The following GPR158 variants were observed in gnomAD, a reference collection of about 807,000 sequenced individuals.
GPR158 encodes the protein metabotropic glycine receptor.
A neutral mutation model predicts 78.2 loss-of-function variants in GPR158; 30 were observed. The ratio of observed to expected loss-of-function variants is 0.38; its 90% CI spans 0.29 to 0.52. The LOEUF is 0.52. Ranked by LOEUF, GPR158 falls within the 20% of genes least tolerant of loss-of-function variation. The probability of loss-of-function intolerance (pLI) is 0.83; values close to 1 mark genes in which losing one functional copy is unlikely to be tolerated. For synonymous variants in GPR158, 581 were observed against 591.1 expected (o/e 0.98, Z 0.25); for missense variants, 1,463 against 1,523.5 (o/e 0.96, Z 0.66).
intron 4 of GPR158, among the ~76,000 whole-genome samples, chr10:25,443,779 A>G (rs1396614921): frequency 6.6e-6 from 1 of 151,398 alleles, no homozygotes; most frequent in Non-Finnish European, 1.5e-5. Flanking sequence ...GGGACTGAAC[A>G]CCTGCTGGTG....
At chr10:25,535,043 A>G (rs1191717107) in intron 5 of GPR158, among the ~76,000 whole-genome samples, 1 of 152,132 alleles carries the variant, frequency 6.6e-6, no homozygotes, top group African/African-American at 2.4e-5. Context: ...AGTTTTTCAC[A>G]TTATTCTTTC....
intron 2 of GPR158, among the ~76,000 whole-genome samples, chr10:25,350,440 C>T (rs1855443146): frequency 6.6e-6 from 1 of 151,900 alleles, no homozygotes; most frequent in Non-Finnish European, 1.5e-5. Context: ...GAATTGCTAT[C>T]TTTCTTTCAC....
chr10:25,402,218 A>G, intron 3 of GPR158, among the ~76,000 whole-genome samples: 1 of 152,090 alleles, frequency 6.6e-6, no homozygotes, highest in Non-Finnish European at 1.5e-5. Flanking sequence ...CAGGCACATC[A>G]AAACTGAGGG....
chr10:25,264,978 G>A (rs1345713738), intron 2 of GPR158, among the ~76,000 whole-genome samples: 1 of 152,172 alleles, frequency 6.6e-6, no homozygotes, highest in Non-Finnish European at 1.5e-5. Context: ...TTTGGGCTAT[G>A]TATATATCAC....
chr10:25,327,818 T>C (rs1209049355), intron 2 of GPR158, among the ~76,000 whole-genome samples: 1 of 144,508 alleles, frequency 6.9e-6, no homozygotes, highest in Non-Finnish European at 1.5e-5. Flanking sequence ...AAATTCAGAA[T>C]GATTTGGTTT....
At chr10:25,415,015 C>T (rs990691214) in intron 4 of GPR158, among the ~76,000 whole-genome samples, 2 of 151,940 alleles carry the variant, frequency 1.3e-5, no homozygotes, top group Non-Finnish European at 2.9e-5. Flanking sequence ...ACACCATATA[C>T]AAAAATTAAA....
Position 25,494,090 on chromosome 10 carries a change from A to G in GPR158, c.1404+27371A>G, listed in dbSNP as rs188030051. Among the ~76,000 whole-genome samples, 349 of 152,284 alleles carry G rather than the reference A, an allele frequency of 2.3e-3. 7 individuals carry two copies. Among genetic ancestry groups the G allele is most frequent in the Non-Finnish European group, 5.0e-4 (34 of 68,010 alleles). On this transcript the variant is annotated intron_variant, in intron 5 of 10. Transcript: ENST00000376351. The stretch of plus-strand genomic sequence containing the variant: ...ACAAAAGTGTTGCATACTAGAGAGG[A>G]GGGTTGACTTCTGCATTTCTCAATA...
intron 2 of GPR158, among the ~76,000 whole-genome samples, chr10:25,248,767 CT>C (rs1251849322): frequency 2.0e-5 from 3 of 150,280 alleles, no homozygotes; most frequent in Non-Finnish European, 4.5e-5. Flanking sequence ...CAGCTTTGTT[CT>C]TTTGGCTTAG....
intron 5 of GPR158, among the ~76,000 whole-genome samples, chr10:25,493,917 T>C (rs955219857): frequency 2.6e-5 from 4 of 152,246 alleles, no homozygotes; most frequent in African/African-American, 9.6e-5. Flanking sequence ...GCGCTAAAGC[T>C]TTTCCTTATG....
intron 3 of GPR158, among the ~76,000 whole-genome samples, chr10:25,407,233 T>A (rs902770089): frequency 5.9e-5 from 9 of 152,142 alleles, no homozygotes; most frequent in Non-Finnish European, 1.2e-4. Flanking sequence ...AGAAAAAAAA[T>A]GTTATTTTAT....
chr10:25,549,514 A>G (rs935191855), intron 5 of GPR158, among the ~76,000 whole-genome samples: 1 of 152,046 alleles, frequency 6.6e-6, no homozygotes, highest in Non-Finnish European at 1.5e-5. Context: ...ATCCTGAAGG[A>G]AAATATTTAT....
intron 6 of GPR158, among the ~76,000 whole-genome samples, chr10:25,559,137 C>T (rs1836827199): frequency 6.6e-6 from 1 of 152,174 alleles, no homozygotes; most frequent in African/African-American, 2.4e-5. Context: ...TTCTGAGATG[C>T]ATAAACATTT....
chr10:25,212,513 A>G (rs760564664), intron 1 of GPR158, among the ~76,000 whole-genome samples: 4 of 151,760 alleles, frequency 2.6e-5, no homozygotes, highest in Non-Finnish European at 5.9e-5. Flanking sequence ...GATCCAAACC[A>G]TATCAGTATG....
chr10:25,239,550 G>A (rs1271668861), intron 2 of GPR158, among the ~76,000 whole-genome samples: 1 of 151,180 alleles, frequency 6.6e-6, no homozygotes, highest in East Asian at 1.9e-4. Context: ...AGAGGTTGCA[G>A]TGAATCAAGG....
intron 4 of GPR158, among the ~76,000 whole-genome samples, chr10:25,441,741 C>T (rs1416583689): frequency 1.3e-5 from 2 of 152,102 alleles, no homozygotes; most frequent in African/African-American, 2.4e-5. Context: ...TATCCTGAAA[C>T]CTAATATCAT....
intron 2 of GPR158, among the ~76,000 whole-genome samples, chr10:25,225,080 A>G (rs1296792744): frequency 6.6e-6 from 1 of 152,014 alleles, no homozygotes; most frequent in African/African-American, 2.4e-5. Flanking sequence ...CTTTGAAGGA[A>G]TGGTTTTTGT....
At chr10:25,493,324 C>A (rs1588886303) in intron 5 of GPR158, among the ~76,000 whole-genome samples, 1 of 152,282 alleles carries the variant, frequency 6.6e-6, no homozygotes, top group South Asian at 2.1e-4. Context: ...TTTCGCATAA[C>A]CCAGTGTCAT....
intron 5 of GPR158, among the ~76,000 whole-genome samples, chr10:25,545,484 T>G (rs185454716): frequency 6.6e-6 from 1 of 152,356 alleles, no homozygotes; most frequent in East Asian, 1.9e-4. Flanking sequence ...TTCATGTGTT[T>G]GTTGGCCACA....
chr10:25,275,450 C>G (rs970769347), intron 2 of GPR158, among the ~76,000 whole-genome samples: 1 of 152,194 alleles, frequency 6.6e-6, no homozygotes, highest in Non-Finnish European at 1.5e-5. Flanking sequence ...GTTAGCCCCT[C>G]GTTAACTACT....
Sources: gnomAD v4.1 joint callset for allele counts (sites outside exome capture counted in the v4.1 genomes callset) on GRCh38, gnomAD v4.1.1 for gene constraint, MANE v1.5 for transcripts, NCBI Gene and HGNC (gene_info 2026-07-23, HGNC 2026-07-21) for gene names.